VEPH1: variants seen among roughly 807,000 people sequenced by gnomAD.
The protein encoded by VEPH1 is ventricular zone-expressed PH domain-containing protein homolog 1.
VEPH1 carries 80 observed loss-of-function variants against 85.2 expected under a neutral mutation model. That is an observed-to-expected ratio of 0.94 (90% CI 0.78 to 1.13). VEPH1 has a LOEUF of 1.13. Ranked by LOEUF, VEPH1 falls within the 50% of genes most tolerant of loss-of-function variation. The pLI, the probability that VEPH1 is intolerant of heterozygous loss-of-function variation, is 0.00. For missense variants in VEPH1, 955 were observed against 980.5 expected (o/e 0.97, Z 0.35); for synonymous variants, 297 against 348.0 (o/e 0.85, Z 1.63).
chr3:157,329,860 A>C (rs540172825), intron 9 of VEPH1, among the ~76,000 whole-genome samples: 8 of 152,216 alleles, frequency 5.3e-5, no homozygotes, highest in Non-Finnish European at 1.2e-4. Context: ...TCAACTGACT[A>C]TTTCCCAGTG....
At position 157,364,436 on chromosome 3, in the gene VEPH1, G is replaced by T. The variant is rs753410616; in HGVS notation, c.1204C>A (p.His402Asn). 6.2e-7 allele frequency: 1 copy of T among 1,613,852 alleles called. No homozygotes were observed. The highest frequency in any genetic ancestry group is 1.1e-5 in the South Asian group (1 of 91,062). Residue 402 changes from histidine to asparagine, a missense_variant, in exon 8 of 14, where the codon CAT (histidine) becomes AAT (asparagine). Transcript: ENST00000362010. ...TKLIVTENEDHEKLQVKIQAF... is the reference protein window; with the variant it reads ...TKLIVTENEDNEKLQVKIQAF... Reference sequence around the variant, plus strand: ...TGGATTTTAACTTGGAGTTTTTCATGGTCTTCATTTTCAGTTACTATGAGC... The same window carrying T: ...TGGATTTTAACTTGGAGTTTTTCATTGTCTTCATTTTCAGTTACTATGAGC...
intron 7 of VEPH1, among the ~76,000 whole-genome samples, chr3:157,377,540 G>A (rs992946327): frequency 1.3e-5 from 2 of 151,766 alleles, no homozygotes; most frequent in South Asian, 4.2e-4. Flanking sequence ...TAATCTCCAC[G>A]TGTCAAGGGA....
intron 9 of VEPH1, among the ~76,000 whole-genome samples, chr3:157,340,834 G>A (rs937238333): frequency 1.3e-5 from 2 of 152,200 alleles, no homozygotes; most frequent in Non-Finnish European, 2.9e-5. Flanking sequence ...AGCTTCCAGA[G>A]GAACATTCAG....
At position 157,313,723 on chromosome 3, in the gene VEPH1, ACT is replaced by A. The variant is rs777623013; in HGVS notation, c.1906_1907del (p.His637PhefsTer21). 2.4e-5 allele frequency: 38 copies of A among 1,613,988 alleles called. 1 individual carries two copies. The highest frequency in any genetic ancestry group is 3.1e-5 in the Non-Finnish European group (37 of 1,180,014). On this transcript the variant is annotated frameshift_variant, in exon 11 of 14. Transcript: ENST00000362010. LOFTEE classifies it high-confidence loss of function. ...GAGCTCTGAGGAATTGCACAGAATG[ACT>A]CTGAATGGACAGGGGTTCAGGAAAC... ...SLFPEPLSIQ[S>X]HSVQFLRALW...
At chr3:157,339,538 T>C (rs1559971975) in intron 9 of VEPH1, among the ~76,000 whole-genome samples, 1 of 152,130 alleles carries the variant, frequency 6.6e-6, no homozygotes, top group Non-Finnish European at 1.5e-5. Context: ...GCTCCACTGC[T>C]CTTATGATAT....
chr3:157,315,653 A>C (rs71310502), intron 10 of VEPH1, among the ~76,000 whole-genome samples: 6,283 of 152,144 alleles, frequency 0.041, 204 homozygotes, highest in South Asian at 0.1. Context: ...TGGAAAAAGA[A>C]AGAAACCATT....
At chr3:157,391,316 C>G (rs1004336812) in intron 6 of VEPH1, among the ~76,000 whole-genome samples, 4 of 152,206 alleles carry the variant, frequency 2.6e-5, no homozygotes, top group Non-Finnish European at 5.9e-5. Flanking sequence ...CAGAGAGCCT[C>G]CTTTGTGACT....
At chr3:157,264,000 G>T (rs776856667) in intron 13 of VEPH1, among the ~76,000 whole-genome samples, 1 of 152,154 alleles carries the variant, frequency 6.6e-6, no homozygotes, top group South Asian at 2.1e-4. Flanking sequence ...CATTATTTCC[G>T]CATGTGTCTG....
intron 9 of VEPH1, among the ~76,000 whole-genome samples, chr3:157,338,018 C>T (rs1723133642): frequency 6.6e-6 from 1 of 151,982 alleles, no homozygotes; most frequent in Non-Finnish European, 1.5e-5. Context: ...AGGTCCATTC[C>T]TCAACCAGGG....
intron 4 of VEPH1, among the ~76,000 whole-genome samples, chr3:157,447,601 T>C (rs944626307): frequency 1.3e-5 from 2 of 151,380 alleles, no homozygotes; most frequent in Non-Finnish European, 2.9e-5. Flanking sequence ...AATCTTTTTT[T>C]TTTTTTTTTT....
At chr3:157,423,614 A>G (rs1732521212) in intron 5 of VEPH1, among the ~76,000 whole-genome samples, 1 of 152,210 alleles carries the variant, frequency 6.6e-6, no homozygotes, top group Non-Finnish European at 1.5e-5. Flanking sequence ...ACTTCATGGC[A>G]TCTATTTTCC....
chr3:157,400,596 G>A (rs2108972200), intron 6 of VEPH1, among the ~76,000 whole-genome samples: 1 of 152,170 alleles, frequency 6.6e-6, no homozygotes, highest in Admixed American at 6.5e-5. Context: ...GACATGGTCT[G>A]CTGTCAAATA....
rs191244446 is a variant in VEPH1, at chr3:157,373,975, T to G, written c.1127+7181A>C. Among the ~76,000 whole-genome samples the G allele has an allele frequency of 2.1e-3, 325 of 152,308 alleles. 1 individual carries two copies. Among genetic ancestry groups the G allele is most frequent in the Non-Finnish European group, 3.3e-3 (224 of 68,024 alleles). On this transcript the variant is annotated intron_variant, in intron 7 of 13. Transcript: ENST00000362010. ...TCATTGTCTCCAAAGCTGATAACAA[T>G]GTCTCCTACCTACATCTCGTGCTGA...
chr3:157,302,975 T>C (rs1037650783), intron 11 of VEPH1, among the ~76,000 whole-genome samples: 1 of 152,208 alleles, frequency 6.6e-6, no homozygotes, highest in African/African-American at 2.4e-5. Context: ...AATTTCTATT[T>C]TTCAATGTTT....
intron 6 of VEPH1, among the ~76,000 whole-genome samples, chr3:157,395,024 G>T (rs1356145754): frequency 6.6e-6 from 1 of 152,104 alleles, no homozygotes; most frequent in Non-Finnish European, 1.5e-5. Context: ...CCATTCTATT[G>T]TTCTCTCAAG....
At chr3:157,392,770 TC>T (rs1411939736) in intron 6 of VEPH1, among the ~76,000 whole-genome samples, 1 of 152,206 alleles carries the variant, frequency 6.6e-6, no homozygotes, top group African/African-American at 2.4e-5. Flanking sequence ...AGGCACAGCA[TC>T]TTATTTAACC....
At position 157,343,541 on chromosome 3, in the gene VEPH1, T is replaced by C. The variant is rs187583605; in HGVS notation, c.1735+19823A>G. On this transcript the variant is annotated intron_variant, in intron 9 of 13. Coordinates refer to ENST00000362010, the MANE Select transcript of VEPH1 (RefSeq NM_001167912.2). Reference sequence around the variant, plus strand: ...GAAATTGAGGCAATAATTAATAGCCTACCAACCAAAAAAAGTCCAGGACCA... The same window carrying C: ...GAAATTGAGGCAATAATTAATAGCCCACCAACCAAAAAAAGTCCAGGACCA... Among the ~76,000 whole-genome samples, 1,050 of 152,140 alleles carry C rather than the reference T, an allele frequency of 6.9e-3. 19 individuals are homozygous for C. Among genetic ancestry groups the C allele is most frequent in the African/African-American group, 0.024 (992 of 41,518 alleles).
chr3:157,308,375 G>C (rs902697503), intron 11 of VEPH1, among the ~76,000 whole-genome samples: 1 of 151,742 alleles, frequency 6.6e-6, no homozygotes, highest in Non-Finnish European at 1.5e-5. Context: ...CTTTTATGTA[G>C]GCTTTTTAAA....
At chr3:157,372,166 T>C (rs1036739255) in intron 7 of VEPH1, among the ~76,000 whole-genome samples, 4 of 152,248 alleles carry the variant, frequency 2.6e-5, no homozygotes, top group Admixed American at 2.0e-4. Context: ...TCTTGGCATT[T>C]GACACTGGAA....
Sources: gnomAD v4.1 joint callset for allele counts (sites outside exome capture counted in the v4.1 genomes callset) on GRCh38, gnomAD v4.1.1 for gene constraint, MANE v1.5 for transcripts, NCBI Gene and HGNC (gene_info 2026-07-23, HGNC 2026-07-21) for gene names.